The following XRRA1 variants were observed in gnomAD, a reference collection of about 807,000 sequenced individuals.
The protein encoded by XRRA1 is X-ray radiation resistance associated 1, also known as X-ray radiation resistance-associated protein 1.
A neutral mutation model predicts 80.2 loss-of-function variants in XRRA1; 69 were observed. The observed-to-expected ratio is 0.86, with a 90% CI of 0.71 to 1.05. XRRA1 has a LOEUF of 1.05. XRRA1 is among the 50% of genes least tolerant of loss of function. XRRA1 has a pLI of 0.00. For synonymous variants in XRRA1, 348 were observed against 389.9 expected (o/e 0.89, Z 1.27); for missense variants, 967 against 976.4 (o/e 0.99, Z 0.13).
intron 10 of XRRA1, among the ~76,000 whole-genome samples, chr11:74,884,668 C>A (rs1282685302): frequency 2.0e-5 from 3 of 152,214 alleles, no homozygotes; most frequent in Non-Finnish European, 4.4e-5. Flanking sequence ...TAAACTCACT[C>A]TTTGTGTGTC....
intron 12 of XRRA1, among the ~76,000 whole-genome samples, chr11:74,857,586 A>G (rs1053647815): frequency 2.0e-5 from 3 of 152,248 alleles, no homozygotes; most frequent in African/African-American, 4.8e-5. Flanking sequence ...AGTACAGAGA[A>G]GATCTGAGTG....
chr11:74,923,005 T>C (rs1203915399), intron 7 of XRRA1, among the ~76,000 whole-genome samples: 1 of 152,180 alleles, frequency 6.6e-6, no homozygotes, highest in Non-Finnish European at 1.5e-5. Context: ...TACATGTATA[T>C]GTTCATTATG....
intron 10 of XRRA1, among the ~76,000 whole-genome samples, chr11:74,879,371 C>T (rs1015996408): frequency 1.1e-4 from 16 of 152,290 alleles, no homozygotes; most frequent in Non-Finnish European, 2.2e-4. Flanking sequence ...TGGGCTGAGA[C>T]AATGGGGTTT....
chr11:74,922,592 G>T (rs1045431608), intron 7 of XRRA1, among the ~76,000 whole-genome samples: 1 of 152,094 alleles, frequency 6.6e-6, no homozygotes, highest in Non-Finnish European at 1.5e-5. Flanking sequence ...CTATTGAATG[G>T]GGTCAGTTTC....
At chr11:74,937,209 G>A (rs548260816) in intron 3 of XRRA1, 141 bp from the exon 4 acceptor site, 8 of 849,798 alleles carry the variant, frequency 9.4e-6, no homozygotes, top group African/African-American at 5.1e-5. Flanking sequence ...GCAGCTGGGG[G>A]TAGGGGAGAT....
chr11:74,863,076 G>T, intron 10 of XRRA1, 55 bp from the exon 11 acceptor site: 2 of 1,506,298 alleles, frequency 1.3e-6, no homozygotes, highest in Non-Finnish European at 1.8e-6. Flanking sequence ...TTGATGCCTA[G>T]AGCACCCAGG....
At chr11:74,919,975 G>C (rs1591417759) in intron 8 of XRRA1, 2 of 180,886 alleles carry the variant, frequency 1.1e-5, no homozygotes, top group Admixed American at 1.3e-4. Context: ...ATCACTGATT[G>C]TCAACTATAT....
At chr11:74,944,519 T>A (rs1947104902) in intron 2 of XRRA1, among the ~76,000 whole-genome samples, 1 of 152,228 alleles carries the variant, frequency 6.6e-6, no homozygotes, top group South Asian at 2.1e-4. Flanking sequence ...TGGTACCTCC[T>A]TTGGTCCAAC....
At chr11:74,944,343 C>A (rs1947049840) in intron 2 of XRRA1, among the ~76,000 whole-genome samples, 1 of 152,196 alleles carries the variant, frequency 6.6e-6, no homozygotes, top group African/African-American at 2.4e-5. Context: ...ACATATATAT[C>A]TGCTACACAC....
Position 74,906,416 on chromosome 11 carries a change from T to C in XRRA1, c.826A>G (p.Ile276Val). The C allele has an allele frequency of 6.2e-7, 1 of 1,614,004 alleles. No individual in the cohort carries two copies. The highest frequency in any genetic ancestry group is 8.5e-7 in the Non-Finnish European group (1 of 1,179,886). The change falls in exon 10 of 19, where the codon ATC becomes GTC. Residue 276 changes from isoleucine to valine, a missense_variant. Coordinates refer to ENST00000684022, the MANE Select transcript of XRRA1 (RefSeq NM_001378157.1). ...LSLDENRIIRIPYLQQVQLYD... is the reference protein window; with the variant it reads ...LSLDENRIIRVPYLQQVQLYD... ...AGCTGAACTTGCTGTAGGTATGGGA[T>C]CCTGATAATCCTGTTTTCATCCAAG...
At chr11:74,935,039 G>A (rs191017472) in intron 4 of XRRA1, among the ~76,000 whole-genome samples, 177 of 152,290 alleles carry the variant, frequency 1.2e-3, no homozygotes, top group Non-Finnish European at 2.0e-3. Flanking sequence ...GCAATAAGTC[G>A]TGATCTGTGT....
At position 74,930,391 on chromosome 11, in the gene XRRA1, G is replaced by GA. The variant is rs60520529; in HGVS notation, c.352-20dup. On this transcript the variant is annotated intron_variant, in intron 5 of 18. Transcript: ENST00000684022. ...CCTTGGCCTGTAGGAAAGCATTTCAGAAAAAAAAAAAAATCCACAAGATTA... is the reference window on the plus strand; with the variant it reads ...CCTTGGCCTGTAGGAAAGCATTTCAGAAAAAAAAAAAAAATCCACAAGATTA... 176,503 of 1,108,766 alleles carry GA rather than the reference G, an allele frequency of 0.16. 367 individuals carry two copies. Among genetic ancestry groups the GA allele is most frequent in the South Asian group, 0.18 (10,552 of 57,454 alleles). 68.7% of individuals were successfully genotyped at this position (1,108,766 alleles called of 1,614,324 possible). A position where few individuals can be genotyped will look rare whatever the true frequency, so the allele number is the denominator to read the frequency against.
chr11:74,844,917 G>T (rs983437052), intron 16 of XRRA1, among the ~76,000 whole-genome samples, 156 bp downstream of exon 16: 1 of 152,242 alleles, frequency 6.6e-6, no homozygotes, highest in Non-Finnish European at 1.5e-5. Flanking sequence ...TTCAAACAAA[G>T]GACACCCTAA....
At chr11:74,937,314 G>A (rs80106129) in intron 3 of XRRA1, among the ~76,000 whole-genome samples, 2 of 152,084 alleles carry the variant, frequency 1.3e-5, no homozygotes, top group Admixed American at 1.3e-4. Context: ...GACAAAAGGA[G>A]GTGGAATGAC....
At position 74,848,226 on chromosome 11, in the gene XRRA1, A is replaced by G. The variant is rs1277299724; in HGVS notation, c.1617T>C (p.Thr539=). 5.6e-6 allele frequency: 9 copies of G among 1,613,770 alleles called. No homozygotes were observed. In the South Asian group the frequency reaches 6.6e-5, roughly 12 times the overall value. The change falls in exon 15 of 19, where the codon ACT becomes ACC. Residue 539 remains threonine, a synonymous_variant. Transcript: ENST00000684022. ...VPLPPICSNS[T]VHSEETLSHL... ...GGGACAGGGTCTCTTCACTATGCAC[A>G]GTGGAGTTGGAGCAGATGGGAGGCA...
intron 15 of XRRA1, among the ~76,000 whole-genome samples, chr11:74,845,698 G>A (rs2037920036): frequency 6.6e-6 from 1 of 152,206 alleles, no homozygotes; most frequent in African/African-American, 2.4e-5. Context: ...GATTGGTACA[G>A]TTAAGTACAA....
chr11:74,843,578 T>C, intron 18 of XRRA1, 125 bp from the exon 19 acceptor site: 1 of 1,350,022 alleles, frequency 7.4e-7, no homozygotes, highest in South Asian at 1.5e-5. Flanking sequence ...GCTAAGGGGC[T>C]AAAAATGGCC....
At chr11:74,911,220 G>A (rs550881900) in intron 8 of XRRA1, 1 of 152,152 alleles carries the variant, frequency 6.6e-6, no homozygotes, top group African/African-American at 2.4e-5. Context: ...AATGACAATG[G>A]TATTGGTCTG....
intron 10 of XRRA1, among the ~76,000 whole-genome samples, chr11:74,880,239 T>C (rs2047184052): frequency 6.6e-6 from 1 of 152,264 alleles, no homozygotes; most frequent in Non-Finnish European, 1.5e-5. Flanking sequence ...CTAGATTTTC[T>C]AGTTTATTTG....
Sources: gnomAD v4.1 joint callset for allele counts (sites outside exome capture counted in the v4.1 genomes callset) on GRCh38, gnomAD v4.1.1 for gene constraint, MANE v1.5 for transcripts, NCBI Gene and HGNC (gene_info 2026-07-23, HGNC 2026-07-21) for gene names.